Variants in PRR12 observed in about 807,000 individuals in gnomAD.
PRR12 encodes proline rich 12, also known as proline-rich protein 12.
A neutral mutation model predicts 138.0 loss-of-function variants in PRR12; 12 were observed. The ratio of observed to expected loss-of-function variants is 0.09; its 90% confidence interval spans 0.06 to 0.14. The LOEUF (loss-of-function observed/expected upper bound fraction) is 0.14. PRR12 is among the 10% of genes least tolerant of loss of function. The pLI, the probability that PRR12 is intolerant of heterozygous loss-of-function variation, is 1.00. For missense variants in PRR12, 2,692 were observed against 2,861.3 expected, an observed-to-expected ratio of 0.94 and a Z score of 1.35; for synonymous variants, 1,567 against 1,291.7, an observed-to-expected ratio of 1.21 and a Z score of -4.57.
rs773615736 is a variant in PRR12, at chr19:49,596,433, C to G, written c.2098C>G (p.Leu700Val). The change falls in exon 4 of 14, where the codon CTG (leucine) becomes GTG (valine). Residue 700 changes from leucine to valine, a missense_variant. Physicochemically the swap from Leu to Val is conservative, Grantham distance 32 (BLOSUM62 1). Around this residue, in one of 11 missense-constraint regions of PRR12, gnomAD observed 840 missense variants for 689.8 expected, o/e 1.22. Transcript: ENST00000418929. This position sits in a 1 kb window ranked among gnomAD's most constrained non-coding sequence, Gnocchi z 5.6. Reference sequence around the variant, plus strand: ...CAAGGAAGACCCCCAGAGGTACCACCTGCAGAGTGTCATCCGCACCAGTGC... The same window carrying G: ...CAAGGAAGACCCCCAGAGGTACCACGTGCAGAGTGTCATCCGCACCAGTGC... ...LAKEDPQRYHLQSVIRTSASL... is the reference protein window; with the variant it reads ...LAKEDPQRYHVQSVIRTSASL... The G allele has an allele frequency of 1.9e-6, 3 of 1,610,714 alleles. No homozygotes were observed. In the African/African-American group the frequency reaches 4.0e-5, roughly 22 times the overall value.
intron 9 of PRR12, 101 bp from the exon 10 acceptor site, chr19:49,620,251 G>A (rs922869436): frequency 9.3e-6 from 14 of 1,502,966 alleles, no homozygotes; most frequent in Non-Finnish European, 1.3e-5. Flanking sequence ...CCCAAAAGCA[G>A]GGATTTCTCT....
At position 49,596,902 on chromosome 19, in the gene PRR12, G is replaced by C. The variant is rs933049390; in HGVS notation, c.2567G>C (p.Ser856Thr). 2 of 1,484,400 alleles carry C rather than the reference G, an allele frequency of 1.3e-6. No homozygotes were observed. Among genetic ancestry groups the C allele is most frequent in the East Asian group, 5.5e-5 (2 of 36,578 alleles). 92.0% of individuals were successfully genotyped at this position (1,484,400 alleles called of 1,614,324 possible). ...MPLQLEAHLRSHGLEPAAPSP... is the reference protein window; with the variant it reads ...MPLQLEAHLRTHGLEPAAPSP... ...CTGCAGCTCGAGGCCCACCTCCGCA[G>C]CCATGGCCTGGAGCCCGCGGCCCCC... The change falls in exon 4 of 14, where the codon AGC (serine) becomes ACC (threonine). Residue 856 changes from serine to threonine, a missense_variant. By Grantham distance (58) the Ser-to-Thr change is moderately conservative (BLOSUM62 1). This residue lies in a region of PRR12 where 840 missense variants were observed against 689.8 expected (regional missense o/e 1.22). Coordinates refer to ENST00000418929, the MANE Select transcript of PRR12 (RefSeq NM_020719.3). This position sits in a 1 kb window ranked among gnomAD's most constrained non-coding sequence, Gnocchi z 5.6.
At chr19:49,617,926 C>A (rs770652564) in intron 9 of PRR12, among the ~76,000 whole-genome samples, 1 of 151,946 alleles carries the variant, frequency 6.6e-6, no homozygotes, top group Non-Finnish European at 1.5e-5. Context: ...GGAGAAACCC[C>A]GTCTCTACTA....
rs779943401 is a variant in PRR12 at position 49,594,807 on chromosome 19, G to A, written c.472G>A (p.Gly158Ser). 4.0e-5 allele frequency: 64 copies of A among 1,612,312 alleles called. No homozygotes were observed. In the East Asian group the frequency reaches 1.2e-3, roughly 30 times the overall value. ...LSAYQHPASF[G>S]SRPFPVPSSL... ...GGCTTACCAACACCCGGCTTCCTTC[G>A]GCAGCCGCCCCTTCCCAGTGCCCTC... Residue 158 changes from glycine (G) to serine (S), a missense_variant, in exon 4 of 14, where the codon GGC (glycine) becomes AGC (serine). This residue lies in a region of PRR12 where 211 missense variants were observed against 266.3 expected (regional missense o/e 0.79). Coordinates refer to ENST00000418929, the MANE Select transcript of PRR12 (RefSeq NM_020719.3). The surrounding 1 kb of genome is among the most constrained non-coding windows in gnomAD (Gnocchi z 5.6).
chr19:49,595,227 G>A lies in PRR12; in HGVS notation c.892G>A (p.Ala298Thr), dbSNP rs2080757930. The A allele has an allele frequency of 1.3e-6, 2 of 1,552,948 alleles. No individual in the cohort carries two copies. Among genetic ancestry groups the A allele is most frequent in the Non-Finnish European group, 1.7e-6 (2 of 1,149,680 alleles). Residue 298 changes from alanine to threonine, a missense_variant, in exon 4 of 14, where the codon GCC becomes ACC. Physicochemically the swap from Ala to Thr is moderately conservative, Grantham distance 58. This residue lies in a region of PRR12 where 523 missense variants were observed against 496.4 expected (regional missense o/e 1.05). Transcript: ENST00000418929. ...VIKHYQRPAS[A>T]QPPPPPPPAH... ...CAAGCACTACCAGCGGCCAGCCAGT[G>A]CCCAGCCCCCACCACCCCCGCCACC...
At chr19:49,621,752 A>T (rs1334964830) in intron 11 of PRR12, 130 bp downstream of exon 11, 8 of 732,166 alleles carry the variant, frequency 1.1e-5, no homozygotes, top group Non-Finnish European at 1.6e-5. Context: ...GATGGGAGAA[A>T]AGTTGAGGGC....
In PRR12 at chr19:49,599,333, C is replaced by T. The variant is rs765178570; in HGVS notation, c.3740C>T (p.Ser1247Leu). The change falls in exon 5 of 14, where the codon TCA becomes TTA. Residue 1247 changes from serine (S) to leucine (L), a missense_variant. Ser to Leu is a moderately radical substitution (Grantham distance 145). Around this residue, in one of 11 missense-constraint regions of PRR12, gnomAD observed 326 missense variants for 344.2 expected, o/e 0.95. Transcript: ENST00000418929. The surrounding 1 kb of genome is among the most constrained non-coding windows in gnomAD (Gnocchi z 5.0). ...GGAACCTCATCGGGTGATGCCATAT[C>T]AGGCACTGACCACAACAGCCTGGAC... ...GLGTSSGDAISGTDHNSLDSS... is the reference protein window; with the variant it reads ...GLGTSSGDAILGTDHNSLDSS... The T allele has an allele frequency of 4.3e-6, 7 of 1,613,210 alleles. No individual in the cohort carries two copies. In the Admixed American group the frequency reaches 1.0e-4, roughly 23 times the overall value.
chr19:49,612,330 C>T (rs924693108), intron 6 of PRR12, among the ~76,000 whole-genome samples: 12 of 151,778 alleles, frequency 7.9e-5, no homozygotes, highest in African/African-American at 2.9e-4. Flanking sequence ...GGCCAGGCCA[C>T]TTTTCTAGTA....
intron 9 of PRR12, among the ~76,000 whole-genome samples, chr19:49,617,338 A>C (rs2080898198): frequency 6.6e-6 from 1 of 151,972 alleles, no homozygotes; most frequent in African/African-American, 2.4e-5. Context: ...CCTCATTTTA[A>C]AGATGGGGGC....
intron 6 of PRR12, among the ~76,000 whole-genome samples, chr19:49,605,225 A>T (rs570676566): frequency 6.6e-6 from 1 of 151,892 alleles, no homozygotes; most frequent in Non-Finnish European, 1.5e-5. Flanking sequence ...GTAGCTTGGG[A>T]TCCACACCCA....
chr19:49,596,532 G>T lies in PRR12; in HGVS notation c.2197G>T (p.Glu733Ter). ...GRLKEKKKGP[E>*]RGGETPEGLA... is the part of the protein sequence containing the mutation. ...GCTGAAGGAGAAGAAGAAAGGGCCA[G>T]AGCGGGGTGGCGAGACCCCCGAGGG... The change falls in exon 4 of 14, where the codon GAG becomes TAG. Residue 733 changes from glutamate to a stop codon, truncating the protein, a stop_gained. Transcript: ENST00000418929. LOFTEE classifies it high-confidence loss of function. This position sits in a 1 kb window ranked among gnomAD's most constrained non-coding sequence, Gnocchi z 5.6. 6.2e-7 allele frequency: 1 copy of T among 1,609,078 alleles called. No homozygotes were observed.
chr19:49,592,689 A>G (rs557069899), intron 1 of PRR12, among the ~76,000 whole-genome samples: 1 of 152,106 alleles, frequency 6.6e-6, no homozygotes, highest in Non-Finnish European at 1.5e-5. Context: ...GTTTGCACAC[A>G]TACCTGGCAT....
Position 49,597,714 on chromosome 19 carries a change from A to G in PRR12, c.3379A>G (p.Ser1127Gly). ...CCGGCGCTTGCCTGACCTGGTCTCCAGCTGCCGCTCCCGTCCGGCCCTCTC... is the reference window on the plus strand; with the variant it reads ...CCGGCGCTTGCCTGACCTGGTCTCCGGCTGCCGCTCCCGTCCGGCCCTCTC... ...NPRRLPDLVS[S>G]CRSRPALSPL... The change falls in exon 4 of 14, where the codon AGC becomes GGC. Residue 1127 changes from serine (S) to glycine (G), a missense_variant. By Grantham distance (56) the Ser-to-Gly change is moderately conservative (BLOSUM62 0). Around this residue, in one of 11 missense-constraint regions of PRR12, gnomAD observed 326 missense variants for 344.2 expected, o/e 0.95. Coordinates refer to ENST00000418929, the MANE Select transcript of PRR12 (RefSeq NM_020719.3). This position sits in a 1 kb window ranked among gnomAD's most constrained non-coding sequence, Gnocchi z 6.3. The G allele has an allele frequency of 6.2e-7, 1 of 1,606,828 alleles. No individual in the cohort carries two copies. The highest frequency in any genetic ancestry group is 8.5e-7 in the Non-Finnish European group (1 of 1,177,896).
At chr19:49,592,238 G>T (rs563622770) in intron 1 of PRR12, among the ~76,000 whole-genome samples, 17 of 152,206 alleles carry the variant, frequency 1.1e-4, no homozygotes, top group Non-Finnish European at 2.1e-4. Flanking sequence ...CGCAGAGTGG[G>T]CACGGGGCCC....
In PRR12 at chr19:49,597,801, G is replaced by C. The variant is rs1464513384; in HGVS notation, c.3466G>C (p.Gly1156Arg). Reference sequence around the variant, plus strand: ...AGGACCCGATGGCCCCCGGCGCCGTGGCCGCAAGCCCACGAAGGCGAAACG... The same window carrying C: ...AGGACCCGATGGCCCCCGGCGCCGTCGCCGCAAGCCCACGAAGGCGAAACG... The part of the protein sequence containing the change: ...NPGPDGPRRR[G>R]RKPTKAKRDG... The change falls in exon 4 of 14, where the codon GGC (glycine) becomes CGC (arginine). Residue 1156 changes from glycine (G) to arginine (R), a missense_variant. Around this residue, in one of 11 missense-constraint regions of PRR12, gnomAD observed 326 missense variants for 344.2 expected, o/e 0.95. Transcript: ENST00000418929. The surrounding 1 kb of genome is among the most constrained non-coding windows in gnomAD (Gnocchi z 6.3). The C allele has an allele frequency of 6.4e-7, 1 of 1,570,268 alleles. No homozygotes were observed. The highest frequency in any genetic ancestry group is 1.4e-5 in the African/African-American group (1 of 73,606).
intron 8 of PRR12, 87 bp downstream of exon 8, chr19:49,615,096 TG>T (rs1416036083): frequency 1.9e-5 from 29 of 1,525,116 alleles, no homozygotes; most frequent in Non-Finnish European, 2.5e-5. Flanking sequence ...GGCTGGAGAG[TG>T]GGGGGTGGGG....
intron 6 of PRR12, among the ~76,000 whole-genome samples, chr19:49,606,004 T>G (rs73586566): frequency 0.011 from 1,696 of 152,184 alleles, 26 homozygotes; most frequent in African/African-American, 0.036. Flanking sequence ...ATTATTTTTT[T>G]TGTGTGTGTT....
In PRR12 at chr19:49,597,455, ACCCCCGCCT is replaced by A; in HGVS notation, c.3123_3131del (p.Pro1047_Pro1049del). ...GTGGCCCCCACCAGGCGGCGCCACC[ACCCCCGCCT>A]CCGCCACCGCCGCCTCCCGCGCCGG... is the stretch of plus-strand genomic sequence containing the variant. On this transcript the variant is annotated inframe_deletion, in exon 4 of 14. Transcript: ENST00000418929. The surrounding 1 kb of genome is among the most constrained non-coding windows in gnomAD (Gnocchi z 6.3). The A allele has an allele frequency of 1.3e-6, 2 of 1,539,702 alleles. No individual in the cohort carries two copies. Among genetic ancestry groups the A allele is most frequent in the Non-Finnish European group, 1.7e-6 (2 of 1,145,640 alleles).
At position 49,625,649 on chromosome 19, in the gene PRR12, G is replaced by T; in HGVS notation, c.*42G>T. On this transcript the variant is annotated 3_prime_UTR_variant, in exon 14 of 14. Transcript: ENST00000418929. The surrounding 1 kb of genome is among the most constrained non-coding windows in gnomAD (Gnocchi z 5.5). ...GAGGGGGGCGCCTCCTCCATGAACC[G>T]AGAATTGGGACAGAACCGTGTCCTC... is the stretch of plus-strand genomic sequence containing the variant. The T allele has an allele frequency of 6.4e-7, 1 of 1,562,112 alleles. No homozygotes were observed. The highest frequency in any genetic ancestry group is 1.2e-5 in the South Asian group (1 of 84,898).
Sources: gnomAD v4.1 joint callset for allele counts (sites outside exome capture counted in the v4.1 genomes callset) on GRCh38, gnomAD v4.1.1 for gene constraint, gnomAD v4.1.1 regional missense constraint, Gnocchi (gnomAD v3.1) non-coding constraint, MANE v1.5 for transcripts, NCBI Gene and HGNC (gene_info 2026-07-23, HGNC 2026-07-21) for gene names.